The following PTCD3 variants were observed in gnomAD, a reference collection of about 807,000 sequenced individuals.
PTCD3 encodes the protein small ribosomal subunit protein mS39.
PTCD3 carries 89 observed loss-of-function variants against 101.9 expected under a neutral mutation model. That is an observed-to-expected ratio of 0.87 (90% CI 0.74 to 1.04). The LOEUF (loss-of-function observed/expected upper bound fraction) is 1.04, where lower values mean the gene tolerates loss of function less well. Among genes scored for constraint, PTCD3 ranks in the 50% least tolerant of loss-of-function variants. The probability of loss-of-function intolerance (pLI) is 0.00; values close to 1 mark genes in which losing one functional copy is unlikely to be tolerated. For synonymous variants in PTCD3, 296 were observed against 278.5 expected, an observed-to-expected ratio of 1.06 and a Z score of -0.63; for missense variants, 870 against 828.2, an observed-to-expected ratio of 1.05 and a Z score of -0.62.
chr2:86,112,752 A>G (rs1558793696), intron 4 of PTCD3, among the ~76,000 whole-genome samples: 1 of 152,062 alleles, frequency 6.6e-6, no homozygotes, highest in Non-Finnish European at 1.5e-5. Flanking sequence ...GGAGGAAGCT[A>G]AGGTTTTGAA....
At position 86,133,248 on chromosome 2, in the gene PTCD3, ATACCTTCAG is replaced by A; in HGVS notation, c.1447_1452+3del. Reference sequence around the variant, plus strand: ...TACCTTGAAGTGGTATGAGGACCTGATACCTTCAGTAAGATGGTTCATTACTTGTTATTT... The same window carrying A: ...TACCTTGAAGTGGTATGAGGACCTGATAAGATGGTTCATTACTTGTTATTT... On this transcript the variant is annotated splice_donor_variant and coding_sequence_variant, in exon 18 of 24. Transcript: ENST00000254630. LOFTEE classifies it high-confidence loss of function. 6.2e-7 allele frequency: 1 copy of A among 1,614,114 alleles called. No individual in the cohort carries two copies. Among genetic ancestry groups the A allele is most frequent in the Non-Finnish European group, 8.5e-7 (1 of 1,180,006 alleles).
chr2:86,132,423 T>C lies in PTCD3; in HGVS notation c.1372T>C (p.Tyr458His). Residue 458 changes from tyrosine (Y) to histidine (H), a missense_variant and splice_region_variant, in exon 17 of 24, where the codon TAT becomes CAT. Tyr to His is a moderately conservative substitution (Grantham distance 83). Coordinates refer to ENST00000254630, the MANE Select transcript of PTCD3 (RefSeq NM_017952.6). ...ACCTGATCAACATCGTAATTTCTAT[T>C]AGTAAGTGTGTTGGAAACATATCCT... ...IGPDQHRNFYYSKFFDLICLM... is the reference protein window; with the variant it reads ...IGPDQHRNFYHSKFFDLICLM... The C allele has an allele frequency of 6.4e-7, 1 of 1,570,608 alleles. No individual in the cohort carries two copies. Among genetic ancestry groups the C allele is most frequent in the South Asian group, 1.1e-5 (1 of 89,544 alleles).
Position 86,127,857 on chromosome 2 carries a change from T to A in PTCD3, c.1097-84T>A, listed in dbSNP as rs557098319. On this transcript the variant is annotated intron_variant, in intron 13 of 23. Coordinates refer to ENST00000254630, the MANE Select transcript of PTCD3 (RefSeq NM_017952.6). ...TTAAATATTAACAATATGTTTTTAA[T>A]TCAGTGTGTCTCAGTAAACTATGTT... is the stretch of plus-strand genomic sequence containing the variant. 33 of 1,060,386 alleles carry A rather than the reference T, an allele frequency of 3.1e-5. No individual in the cohort carries two copies. In the African/African-American group the frequency reaches 4.7e-4, roughly 15 times the overall value. 65.7% of individuals were successfully genotyped at this position (1,060,386 alleles called of 1,614,324 possible). A position where few individuals can be genotyped will look rare whatever the true frequency, so the allele number is the denominator to read the frequency against.
At chr2:86,137,396 A>T in intron 23 of PTCD3, 73 bp from the exon 24 acceptor site, 1 of 1,592,268 alleles carries the variant, frequency 6.3e-7, no homozygotes, top group South Asian at 1.1e-5. Context: ...GCTATAGGTG[A>T]GTGTCAGAGA....
In PTCD3 at chr2:86,125,497, C is replaced by G. The variant is rs1674367267; in HGVS notation, c.847C>G (p.Leu283Val). 6.2e-7 allele frequency: 1 copy of G among 1,612,076 alleles called. No homozygotes were observed. The highest frequency in any genetic ancestry group is 1.1e-5 in the South Asian group (1 of 91,052). Residue 283 changes from leucine to valine, a missense_variant, in exon 11 of 24, where the codon CTA (leucine) becomes GTA (valine). Transcript: ENST00000254630. ...GGCATTAAACTTGTACACTGAGTTA[C>G]TAAACAACAGACTCCATGGTGAGTT... ...EQALNLYTELLNNRLHADVYT... is the reference protein window; with the variant it reads ...EQALNLYTELVNNRLHADVYT...
At position 86,123,703 on chromosome 2, in the gene PTCD3, A is replaced by G; in HGVS notation, c.657A>G (p.Glu219=). ...FQQTGQSEAL[E]EENDETSRRK... is the part of the protein sequence containing the mutation. Reference sequence around the variant, plus strand: ...CTTTTGATGATTATTCATTTCAGGAAGAGGAAAATGATGAGACATCTAGGA... The same window carrying G: ...CTTTTGATGATTATTCATTTCAGGAGGAGGAAAATGATGAGACATCTAGGA... Residue 219 remains glutamate, a splice_region_variant and synonymous_variant, in exon 9 of 24, where the codon GAA becomes GAG. Coordinates refer to ENST00000254630, the MANE Select transcript of PTCD3 (RefSeq NM_017952.6). 1 of 1,589,516 alleles carries G rather than the reference A, an allele frequency of 6.3e-7. No individual in the cohort carries two copies. Among genetic ancestry groups the G allele is most frequent in the Non-Finnish European group, 8.5e-7 (1 of 1,170,142 alleles).
chr2:86,113,838 A>G (rs1674131664), intron 4 of PTCD3, among the ~76,000 whole-genome samples: 5 of 152,118 alleles, frequency 3.3e-5, no homozygotes, highest in Admixed American at 2.0e-4. Flanking sequence ...TAAAATAAAG[A>G]TGGAGCTACT....
chr2:86,116,964 T>C, intron 5 of PTCD3, 91 bp from the exon 6 acceptor site: 2 of 655,566 alleles, frequency 3.1e-6, no homozygotes, highest in Middle Eastern at 4.1e-4. Context: ...TTTGTTTTTT[T>C]TTGTGAGGGG....
intron 1 of PTCD3, 115 bp downstream of exon 1, chr2:86,106,466 AC>A: frequency 9.4e-7 from 1 of 1,062,914 alleles, no homozygotes. Context: ...CGCGCCCTTA[AC>A]GGTCGCGTGC....
intron 1 of PTCD3, among the ~76,000 whole-genome samples, chr2:86,108,091 A>G (rs180938170): frequency 1.3e-5 from 2 of 151,684 alleles, no homozygotes; most frequent in East Asian, 1.9e-4. Context: ...GCACTACTTC[A>G]CTAAAGGCTA....
chr2:86,136,800 A>T, intron 22 of PTCD3, 182 bp from the exon 23 acceptor site: 1 of 828,716 alleles, frequency 1.2e-6, no homozygotes, highest in Non-Finnish European at 2.0e-6. Context: ...GAATGTTGAT[A>T]ATCCATTTGG....
At chr2:86,119,466 CCCT>C (rs976111152) in intron 7 of PTCD3, 6 of 170,402 alleles carry the variant, frequency 3.5e-5, no homozygotes, top group Admixed American at 6.4e-5. Context: ...ATGCCATTCT[CCCT>C]CCTCAGCCTC....
In PTCD3 at chr2:86,140,878, C is replaced by T. The variant is rs1674670131; in HGVS notation, c.*3319C>T. On this transcript the variant is annotated 3_prime_UTR_variant, in exon 24 of 24. Coordinates refer to ENST00000254630, the MANE Select transcript of PTCD3 (RefSeq NM_017952.6). Reference sequence around the variant, plus strand: ...AGGATTGCTTGAGTTCAAGACCAGCCTGAGCAACACAGTGAAAACCCATCT... The same window carrying T: ...AGGATTGCTTGAGTTCAAGACCAGCTTGAGCAACACAGTGAAAACCCATCT... 7.1e-6 allele frequency: 1 copy of T among 140,562 alleles called. No homozygotes were observed. Among genetic ancestry groups the T allele is most frequent in the Non-Finnish European group, 1.5e-5 (1 of 66,002 alleles). 8.7% of individuals were successfully genotyped at this position (140,562 alleles called of 1,614,324 possible).
chr2:86,130,020 A>G (rs978547828), intron 14 of PTCD3, among the ~76,000 whole-genome samples: 5 of 152,202 alleles, frequency 3.3e-5, no homozygotes, highest in Non-Finnish European at 7.3e-5. Flanking sequence ...AAACATTTTT[A>G]GCCGGGTGCA....
chr2:86,127,445 A>G, intron 13 of PTCD3, 140 bp downstream of exon 13: 2 of 928,930 alleles, frequency 2.2e-6, no homozygotes, highest in Non-Finnish European at 1.6e-6. Flanking sequence ...TGGCACATTT[A>G]CTTACATGTA....
In PTCD3 at chr2:86,137,538, T is replaced by G. The variant is rs538409923; in HGVS notation, c.2049T>G (p.Ser683Arg). 2 of 1,612,628 alleles carry G rather than the reference T, an allele frequency of 1.2e-6. No individual in the cohort carries two copies. The highest frequency in any genetic ancestry group is 4.5e-5 in the East Asian group (2 of 44,708). ...CTGACAGCAGCAGTGACAGCGACAG[T>G]GACACCAGTGAAGGCAAATGAAAGT... ...SDTDSSSDSD[S>R]DTSEGK Residue 683 changes from serine (S) to arginine (R), a missense_variant, in exon 24 of 24, where the codon AGT becomes AGG. Ser to Arg is a moderately radical substitution (Grantham distance 110). Transcript: ENST00000254630.
chr2:86,121,604 G>A lies in PTCD3; in HGVS notation c.654+10G>A. On this transcript the variant is annotated intron_variant, in intron 8 of 23. Transcript: ENST00000254630. ...ACAGTCAGAAGCATTGGTAATAACT[G>A]TTGGCCTTGATTTTTTTTTTTCCTT... is the stretch of plus-strand genomic sequence containing the variant. 2 of 1,533,158 alleles carry A rather than the reference G, an allele frequency of 1.3e-6. No individual in the cohort carries two copies. Among genetic ancestry groups the A allele is most frequent in the Non-Finnish European group, 1.8e-6 (2 of 1,133,170 alleles). The allele number at this position is 1,533,158 out of a possible 1,614,324, so 95.0% of individuals were successfully genotyped here.
intron 22 of PTCD3, 135 bp downstream of exon 22, chr2:86,136,697 G>T: frequency 9.3e-7 from 1 of 1,075,684 alleles, no homozygotes; most frequent in Non-Finnish European, 1.4e-6. Flanking sequence ...CTACTATCCA[G>T]GGCATCCTGA....
chr2:86,131,220 G>A, intron 16 of PTCD3, 114 bp downstream of exon 16: 1 of 776,906 alleles, frequency 1.3e-6, no homozygotes, highest in Non-Finnish European at 2.0e-6. Flanking sequence ...CTTTGCTTCT[G>A]TTTTTTCTTC....
Sources: allele counts gnomAD v4.1 joint callset (sites outside exome capture counted in the v4.1 genomes callset), GRCh38; gene constraint gnomAD v4.1.1; transcripts MANE v1.5; gene names NCBI Gene and HGNC (gene_info 2026-07-23, HGNC 2026-07-21).